The following CADPS variants were observed in gnomAD, a reference collection of about 807,000 sequenced individuals.
CADPS encodes the protein calcium-dependent secretion activator 1.
In CADPS, 57 loss-of-function variants were observed where a neutral mutation model predicts 167.3. The ratio of observed to expected loss-of-function variants is 0.34; its 90% CI spans 0.28 to 0.42. The LOEUF (loss-of-function observed/expected upper bound fraction) is 0.42. Ranked by LOEUF, CADPS falls within the 20% of genes least tolerant of loss-of-function variation. CADPS has a pLI of 1.00. For missense variants in CADPS, 1,414 were observed against 1,738.1 expected, an observed-to-expected ratio of 0.81 and a Z score of 3.32; for synonymous variants, 676 against 635.3, an observed-to-expected ratio of 1.06 and a Z score of -0.96.
intron 1 of CADPS, among the ~76,000 whole-genome samples, 156 bp from the exon 2 acceptor site, chr3:62,766,140 C>T (rs975412184): frequency 2.6e-5 from 4 of 152,008 alleles, no homozygotes; most frequent in Non-Finnish European, 5.9e-5. Context: ...CTTCTGTGAG[C>T]CAGTGTTAAA....
intron 6 of CADPS, among the ~76,000 whole-genome samples, chr3:62,637,587 A>G (rs1381515503): frequency 6.6e-6 from 1 of 152,194 alleles, no homozygotes; most frequent in African/African-American, 2.4e-5. Context: ...CCCTTTAAAT[A>G]TAGGCTGGGT....
chr3:62,471,383 G>A (rs1203372273), intron 24 of CADPS, among the ~76,000 whole-genome samples: 3 of 152,114 alleles, frequency 2.0e-5, no homozygotes, highest in Non-Finnish European at 4.4e-5. Flanking sequence ...AGGTCCCCAG[G>A]TCGTCTGAAA....
chr3:62,600,098 G>A (rs762061264), intron 6 of CADPS, among the ~76,000 whole-genome samples: 14 of 147,662 alleles, frequency 9.5e-5, no homozygotes, highest in Non-Finnish European at 1.6e-4. Flanking sequence ...ATAACCAAAG[G>A]TGTGACTGCC....
intron 17 of CADPS, among the ~76,000 whole-genome samples, chr3:62,506,656 T>C (rs1460456012): frequency 6.6e-6 from 1 of 152,152 alleles, no homozygotes; most frequent in Admixed American, 6.5e-5. Flanking sequence ...CTCTACTCCA[T>C]GTTATTTTGG....
At chr3:62,580,633 CTG>C (rs2083254657) in intron 8 of CADPS, among the ~76,000 whole-genome samples, 1 of 150,544 alleles carries the variant, frequency 6.6e-6, no homozygotes, top group East Asian at 1.9e-4. Flanking sequence ...AAACCACTGA[CTG>C]TATATGAGAG....
chr3:62,863,852 A>C (rs2081238821), intron 1 of CADPS, among the ~76,000 whole-genome samples: 1 of 152,224 alleles, frequency 6.6e-6, no homozygotes, highest in East Asian at 1.9e-4. Context: ...GTTATATGGT[A>C]GCGCCACTGG....
Position 62,513,178 on chromosome 3 carries a change from T to G in CADPS, c.2582-410A>C, listed in dbSNP as rs139746569. Reference sequence around the variant, plus strand: ...TATAAGATCTAATTTTTACAGAGAATGGACCACCTGGTGTGGTCTCATACC... The same window carrying G: ...TATAAGATCTAATTTTTACAGAGAAGGGACCACCTGGTGTGGTCTCATACC... On this transcript the variant is annotated intron_variant, in intron 16 of 29. Transcript: ENST00000383710. Among the ~76,000 whole-genome samples, 341 of 152,190 alleles carry G rather than the reference T, an allele frequency of 2.2e-3. 1 individual carries two copies. The highest frequency in any genetic ancestry group is 7.8e-3 in the African/African-American group (322 of 41,544).
At chr3:62,654,689 C>T (rs75426185) in intron 4 of CADPS, among the ~76,000 whole-genome samples, 436 of 152,250 alleles carry the variant, frequency 2.9e-3, no homozygotes, top group African/African-American at 9.9e-3. Context: ...TCCCAAGAGC[C>T]TGAAACTCAT....
At chr3:62,488,008 T>C (rs1345043672) in intron 21 of CADPS, among the ~76,000 whole-genome samples, 1 of 152,196 alleles carries the variant, frequency 6.6e-6, no homozygotes, top group East Asian at 1.9e-4. Flanking sequence ...CTTATAAATT[T>C]TGAAAAGAAG....
chr3:62,549,234 T>G (rs1415372395), intron 11 of CADPS, among the ~76,000 whole-genome samples: 1 of 152,224 alleles, frequency 6.6e-6, no homozygotes, highest in South Asian at 2.1e-4. Flanking sequence ...AAACATGTAC[T>G]GGCTTTCACC....
intron 6 of CADPS, among the ~76,000 whole-genome samples, chr3:62,607,883 G>A (rs780783967): frequency 2.0e-5 from 3 of 152,170 alleles, no homozygotes; most frequent in Non-Finnish European, 4.4e-5. Context: ...TGAATGCCAG[G>A]AATCTCAAAA....
At chr3:62,500,693 T>G (rs1248327035) in intron 17 of CADPS, 3 of 152,190 alleles carry the variant, frequency 2.0e-5, no homozygotes, top group Non-Finnish European at 4.4e-5. Context: ...TATTTTGGCT[T>G]CAGGATGTTT....
At chr3:62,497,094 C>A (rs749554960) in intron 18 of CADPS, among the ~76,000 whole-genome samples, 4 of 152,048 alleles carry the variant, frequency 2.6e-5, no homozygotes, top group Admixed American at 6.6e-5. Context: ...GTTATTAGGG[C>A]AGTTTAGGAT....
At chr3:62,720,196 CAAT>C (rs1227267944) in intron 3 of CADPS, among the ~76,000 whole-genome samples, 4 of 152,104 alleles carry the variant, frequency 2.6e-5, no homozygotes, top group South Asian at 2.1e-4. Flanking sequence ...ATAGCAACAA[CAAT>C]AATAACAATC....
At chr3:62,844,516 C>G (rs2077100415) in intron 1 of CADPS, among the ~76,000 whole-genome samples, 1 of 152,152 alleles carries the variant, frequency 6.6e-6, no homozygotes, top group Admixed American at 6.5e-5. Flanking sequence ...ACCACCACTC[C>G]CCAACCCTCA....
chr3:62,550,188 A>G (rs1478443403), intron 10 of CADPS, 73 bp from the exon 11 acceptor site: 3 of 1,236,384 alleles, frequency 2.4e-6, no homozygotes, highest in African/African-American at 1.5e-5. Context: ...GCCTTTGAAA[A>G]AGCAGTTTCT....
At chr3:62,599,797 A>T (rs186819327) in intron 6 of CADPS, among the ~76,000 whole-genome samples, 416 of 8,424 alleles carry the variant, frequency 0.049, 35 homozygotes, top group African/African-American at 0.13. Context: ...TAATATATAT[A>T]ATATATAATA....
intron 6 of CADPS, among the ~76,000 whole-genome samples, chr3:62,634,314 T>C (rs1018689445): frequency 3.3e-5 from 5 of 152,232 alleles, no homozygotes; most frequent in Admixed American, 6.5e-5. Flanking sequence ...GTTGTACTAT[T>C]TATCTTCTTA....
At chr3:62,779,595 G>A in intron 1 of CADPS, 1 of 533,584 alleles carries the variant, frequency 1.9e-6, no homozygotes, top group Non-Finnish European at 3.8e-6. Flanking sequence ...GGCACTGTGT[G>A]GAAACTTGAG....
Sources: gnomAD v4.1 joint callset for allele counts (sites outside exome capture counted in the v4.1 genomes callset) on GRCh38, gnomAD v4.1.1 for gene constraint, MANE v1.5 for transcripts, NCBI Gene and HGNC (gene_info 2026-07-23, HGNC 2026-07-21) for gene names.